The following MARCHF1 variants were observed in gnomAD, a reference collection of about 807,000 sequenced individuals.
The protein encoded by MARCHF1 is E3 ubiquitin-protein ligase MARCHF1.
Under a neutral mutation model 54.2 loss-of-function variants are expected in MARCHF1, and 40 were observed. That is an observed-to-expected ratio of 0.74 (90% confidence interval 0.57 to 0.96). MARCHF1 has a LOEUF of 0.96. Ranked by LOEUF, MARCHF1 falls within the 40% of genes least tolerant of loss-of-function variation. The probability of loss-of-function intolerance (pLI) is 0.00; values close to 1 mark genes in which losing one functional copy is unlikely to be tolerated. For missense variants in MARCHF1, 586 were observed against 656.5 expected, an observed-to-expected ratio of 0.89 and a Z score of 1.17; for synonymous variants, 236 against 236.3, an observed-to-expected ratio of 1.00 and a Z score of 0.01.
At chr4:163,727,167 C>T (rs1455686864) in intron 4 of MARCHF1, among the ~76,000 whole-genome samples, 2 of 151,958 alleles carry the variant, frequency 1.3e-5, no homozygotes, top group African/African-American at 4.8e-5. Flanking sequence ...ATATTTTCTT[C>T]CATTTTATCC....
At chr4:164,290,952 ATTT>A (rs952607445) in intron 1 of MARCHF1, among the ~76,000 whole-genome samples, 1 of 151,866 alleles carries the variant, frequency 6.6e-6, no homozygotes, top group African/African-American at 2.4e-5. Context: ...AAATCTTTTA[ATTT>A]TTTAACTTTT....
chr4:163,674,754 A>T (rs1743854354), intron 5 of MARCHF1, among the ~76,000 whole-genome samples: 1 of 152,216 alleles, frequency 6.6e-6, no homozygotes, highest in South Asian at 2.1e-4. Context: ...AATTTAAATA[A>T]GTATAATATG....
chr4:163,999,396 T>C (rs1284133523), intron 2 of MARCHF1, among the ~76,000 whole-genome samples: 1 of 151,556 alleles, frequency 6.6e-6, no homozygotes, highest in South Asian at 2.1e-4. Flanking sequence ...GCAAAAAAGA[T>C]GGATATTAAA....
At chr4:163,994,549 C>T (rs746888221) in intron 2 of MARCHF1, among the ~76,000 whole-genome samples, 26 of 151,354 alleles carry the variant, frequency 1.7e-4, no homozygotes, top group Non-Finnish European at 3.4e-4. Flanking sequence ...TGCACATGCA[C>T]CCTAAAACTT....
intron 4 of MARCHF1, among the ~76,000 whole-genome samples, chr4:163,833,140 G>C (rs999458870): frequency 6.6e-6 from 1 of 152,056 alleles, no homozygotes; most frequent in Non-Finnish European, 1.5e-5. Context: ...GGTATTTCTA[G>C]TTCTAGATCC....
intron 4 of MARCHF1, among the ~76,000 whole-genome samples, chr4:163,816,349 C>T (rs1373320835): frequency 6.7e-6 from 1 of 149,766 alleles, no homozygotes; most frequent in East Asian, 2.0e-4. Context: ...GCATTTAGAA[C>T]ATATTAGATG....
chr4:163,894,578 T>C (rs1428839655), intron 3 of MARCHF1, among the ~76,000 whole-genome samples: 1 of 68,050 alleles, frequency 1.5e-5, no homozygotes. Context: ...TATATGCATG[T>C]GATGCATATA....
chr4:164,078,298 T>C (rs1176929779), intron 2 of MARCHF1, among the ~76,000 whole-genome samples: 1 of 152,134 alleles, frequency 6.6e-6, no homozygotes, highest in Non-Finnish European at 1.5e-5. Context: ...AAACACCGCA[T>C]GTTCTCACTC....
At chr4:164,358,456 T>C (rs1394738574) in intron 1 of MARCHF1, among the ~76,000 whole-genome samples, 1 of 152,160 alleles carries the variant, frequency 6.6e-6, no homozygotes, top group African/African-American at 2.4e-5. Context: ...AGAAAACTGA[T>C]AAGAAACAGA....
At chr4:164,179,713 C>A (rs1730782975) in intron 1 of MARCHF1, among the ~76,000 whole-genome samples, 1 of 151,668 alleles carries the variant, frequency 6.6e-6, no homozygotes, top group East Asian at 1.9e-4. Context: ...TATAAGATAC[C>A]ATTAATATGT....
Position 164,331,879 on chromosome 4 carries a change from T to C in MARCHF1, c.-323+51991A>G, listed in dbSNP as rs180950285. ...TAACAGAGAAGAAAATAAAAGAACT[T>C]CCATGTGCTTATCGTTTAGAAATCA... On this transcript the variant is annotated intron_variant, in intron 1 of 9. Coordinates refer to ENST00000514618, the MANE Select transcript of MARCHF1 (RefSeq NM_001394959.1). Among the ~76,000 whole-genome samples the C allele has an allele frequency of 3.2e-3, 481 of 152,284 alleles. 1 individual carries two copies. The highest frequency in any genetic ancestry group is 0.011 in the African/African-American group (464 of 41,582).
intron 1 of MARCHF1, among the ~76,000 whole-genome samples, chr4:164,265,695 T>G (rs1171473189): frequency 6.6e-6 from 1 of 152,030 alleles, no homozygotes. Context: ...AATAACTCTT[T>G]GTCTCTTTCC....
At chr4:164,006,912 A>G (rs1753299839) in intron 2 of MARCHF1, among the ~76,000 whole-genome samples, 1 of 149,568 alleles carries the variant, frequency 6.7e-6, no homozygotes, top group Non-Finnish European at 1.5e-5. Flanking sequence ...AAAACCTTTC[A>G]CAAATAATCA....
At chr4:164,327,509 A>C (rs983479607) in intron 1 of MARCHF1, among the ~76,000 whole-genome samples, 3 of 152,234 alleles carry the variant, frequency 2.0e-5, no homozygotes, top group Non-Finnish European at 2.9e-5. Flanking sequence ...ATGACACAGG[A>C]AAGAGAGGAA....
intron 2 of MARCHF1, among the ~76,000 whole-genome samples, chr4:164,069,815 G>C (rs1258188780): frequency 6.6e-6 from 1 of 152,082 alleles, no homozygotes; most frequent in Non-Finnish European, 1.5e-5. Context: ...ACATGAACTT[G>C]TATGTTTATC....
chr4:164,142,805 G>A (rs1298113726), intron 1 of MARCHF1, among the ~76,000 whole-genome samples: 2 of 152,264 alleles, frequency 1.3e-5, no homozygotes, highest in South Asian at 2.1e-4. Context: ...ACCAGCAATG[G>A]AACAAAGCTG....
intron 2 of MARCHF1, among the ~76,000 whole-genome samples, chr4:164,036,787 G>A (rs1395199666): frequency 1.3e-5 from 2 of 151,956 alleles, no homozygotes; most frequent in Admixed American, 6.6e-5. Flanking sequence ...TTAAAAGGCC[G>A]TTGGTGAGAA....
At chr4:164,069,387 TTTGCAATAAATC>T (rs1386536660) in intron 2 of MARCHF1, among the ~76,000 whole-genome samples, 1 of 152,226 alleles carries the variant, frequency 6.6e-6, no homozygotes, top group African/African-American at 2.4e-5. Flanking sequence ...TCTTTCACTC[TTTGCAATAAATC>T]TTGCTGCTAC....
At chr4:164,040,181 C>A (rs1056248682) in intron 2 of MARCHF1, among the ~76,000 whole-genome samples, 1 of 142,350 alleles carries the variant, frequency 7.0e-6, no homozygotes, top group Non-Finnish European at 1.5e-5. Context: ...TATAAATATA[C>A]AAATATATAT....
Sources: gnomAD v4.1 joint callset for allele counts (sites outside exome capture counted in the v4.1 genomes callset) on GRCh38, gnomAD v4.1.1 for gene constraint, MANE v1.5 for transcripts, NCBI Gene and HGNC (gene_info 2026-07-23, HGNC 2026-07-21) for gene names.